EPB41L4B: variants seen among roughly 807,000 people sequenced by gnomAD.
The protein encoded by EPB41L4B is erythrocyte membrane protein band 4.1 like 4B, also known as band 4.1-like protein 4B.
Under a neutral mutation model 112.5 loss-of-function variants are expected in EPB41L4B, and 30 were observed. That is an observed-to-expected ratio of 0.27 (90% CI 0.20 to 0.36). EPB41L4B has a LOEUF of 0.36. Ranked by LOEUF, EPB41L4B falls within the 10% of genes least tolerant of loss-of-function variation. EPB41L4B has a pLI of 1.00. For missense variants in EPB41L4B, 1,024 were observed against 1,133.3 expected (o/e 0.90, Z 1.38); for synonymous variants, 408 against 439.7 (o/e 0.93, Z 0.90).
chr9:109,281,149 A>G (rs1158786526), intron 1 of EPB41L4B, among the ~76,000 whole-genome samples: 23 of 151,264 alleles, frequency 1.5e-4, no homozygotes, highest in Admixed American at 1.5e-3. Context: ...TTTTGCTTCA[A>G]AGGACATGGA....
chr9:109,291,470 G>A (rs1424275404), intron 1 of EPB41L4B, among the ~76,000 whole-genome samples: 2 of 152,160 alleles, frequency 1.3e-5, no homozygotes, highest in African/African-American at 2.4e-5. Flanking sequence ...AGGGAAAGCA[G>A]ATTATTTGCT....
chr9:109,180,580 G>C (rs996018779), intron 24 of EPB41L4B, among the ~76,000 whole-genome samples: 1 of 152,104 alleles, frequency 6.6e-6, no homozygotes, highest in Non-Finnish European at 1.5e-5. Context: ...TTTTCCCTCC[G>C]CCTGCCCTGC....
intron 19 of EPB41L4B, among the ~76,000 whole-genome samples, chr9:109,202,944 CAGG>C (rs1184766738): frequency 6.6e-6 from 1 of 152,100 alleles, no homozygotes; most frequent in African/African-American, 2.4e-5. Flanking sequence ...TCACTTAAGT[CAGG>C]AGTTCAAGAC....
chr9:109,195,682 G>T, intron 20 of EPB41L4B, among the ~76,000 whole-genome samples: 1 of 152,198 alleles, frequency 6.6e-6, no homozygotes, highest in South Asian at 2.1e-4. Context: ...GTGGAGGAGC[G>T]GGGTTAAAAT....
intron 15 of EPB41L4B, among the ~76,000 whole-genome samples, chr9:109,234,789 T>C (rs1251738044): frequency 6.6e-6 from 1 of 152,130 alleles, no homozygotes; most frequent in African/African-American, 2.4e-5. Context: ...GCCCCGGAGG[T>C]GGAGGCTGCA....
intron 22 of EPB41L4B, among the ~76,000 whole-genome samples, chr9:109,187,741 A>G (rs1832320750): frequency 6.6e-6 from 1 of 152,234 alleles, no homozygotes; most frequent in African/African-American, 2.4e-5. Flanking sequence ...CAAATGACCA[A>G]GAAACATGGC....
rs1258095039 is a variant in EPB41L4B at position 109,196,719 on chromosome 9, A to G, written c.2046-2322T>C. On this transcript the variant is annotated intron_variant, in intron 20 of 25. Transcript: ENST00000374566. ...GCAACAGAGTGAGGCCTTGTCTCCG[A>G]AAAAAAAAAAAAAAAAAAAGACCTT... is the stretch of plus-strand genomic sequence containing the variant. 1.5e-4 allele frequency among the ~76,000 whole-genome samples: 7 copies of G among 48,114 alleles called. No homozygotes were observed. The South Asian group carries it at 1.6e-3, about 11-fold the overall frequency. 31.6% of individuals were successfully genotyped at this position (48,114 alleles called of 152,430 possible). A position where few individuals can be genotyped will look rare whatever the true frequency, so the allele number is the denominator to read the frequency against.
intron 1 of EPB41L4B, among the ~76,000 whole-genome samples, chr9:109,306,638 A>C (rs1837209540): frequency 6.6e-6 from 1 of 150,730 alleles, no homozygotes; most frequent in Admixed American, 6.6e-5. Flanking sequence ...AAACAAACAA[A>C]AAAACATTCT....
At chr9:109,307,723 A>G (rs1304548241) in intron 1 of EPB41L4B, among the ~76,000 whole-genome samples, 1 of 152,106 alleles carries the variant, frequency 6.6e-6, no homozygotes, top group Non-Finnish European at 1.5e-5. Flanking sequence ...TTTACAGTCT[A>G]CCGGCCTTCC....
At chr9:109,268,299 G>T in intron 3 of EPB41L4B, 92 bp downstream of exon 3, 1 of 1,177,730 alleles carries the variant, frequency 8.5e-7, no homozygotes, top group Non-Finnish European at 1.2e-6. Flanking sequence ...ATGCTTCCAA[G>T]TTCTAATGAA....
At chr9:109,288,691 C>A (rs1335394873) in intron 1 of EPB41L4B, among the ~76,000 whole-genome samples, 2 of 130,688 alleles carry the variant, frequency 1.5e-5, no homozygotes, top group Admixed American at 1.8e-4. Context: ...CCACTGCACT[C>A]CAGCCTTGGT....
intron 6 of EPB41L4B, among the ~76,000 whole-genome samples, chr9:109,262,448 TGGGG>T (rs760321257): frequency 2.6e-5 from 1 of 37,902 alleles, no homozygotes; most frequent in African/African-American, 9.3e-5. Context: ...TTGGTGTGTG[TGGGG>T]GTGTGTGTGT....
At chr9:109,307,920 C>A (rs2119251045) in intron 1 of EPB41L4B, among the ~76,000 whole-genome samples, 1 of 152,230 alleles carries the variant, frequency 6.6e-6, no homozygotes, top group South Asian at 2.1e-4. Context: ...CTTGTTACAC[C>A]CTTGTTACTG....
chr9:109,192,415 C>T, intron 21 of EPB41L4B, 60 bp from the exon 22 acceptor site: 3 of 1,348,894 alleles, frequency 2.2e-6, no homozygotes, highest in African/African-American at 1.5e-5. Context: ...ATAAAGTTCA[C>T]CAGAAAAGAC....
intron 12 of EPB41L4B, 31 bp downstream of exon 12, chr9:109,253,410 A>G: frequency 6.6e-7 from 1 of 1,514,644 alleles, no homozygotes; most frequent in Non-Finnish European, 9.2e-7. Flanking sequence ...GCATAATGTA[A>G]AATTCCAAGA....
At chr9:109,275,718 A>G (rs1835788387) in intron 2 of EPB41L4B, among the ~76,000 whole-genome samples, 1 of 152,170 alleles carries the variant, frequency 6.6e-6, no homozygotes, top group Non-Finnish European at 1.5e-5. Flanking sequence ...ATGTTATTAC[A>G]CTACCTCCAC....
At chr9:109,318,064 G>A (rs909705036) in intron 1 of EPB41L4B, among the ~76,000 whole-genome samples, 8 of 152,162 alleles carry the variant, frequency 5.3e-5, no homozygotes, top group Non-Finnish European at 1.5e-5. Flanking sequence ...GCCCACTGGC[G>A]ATTTTTCTTC....
intron 15 of EPB41L4B, among the ~76,000 whole-genome samples, chr9:109,239,443 A>G (rs1018717838): frequency 6.6e-6 from 1 of 152,208 alleles, no homozygotes; most frequent in African/African-American, 2.4e-5. Context: ...TGGGTTACAG[A>G]GGATGGTTTC....
At chr9:109,220,858 G>A (rs1173100480) in intron 15 of EPB41L4B, among the ~76,000 whole-genome samples, 2 of 152,068 alleles carry the variant, frequency 1.3e-5, no homozygotes, top group South Asian at 2.1e-4. Flanking sequence ...ATCCCTCCTC[G>A]CCTCTCCAAC....
Sources: allele counts gnomAD v4.1 joint callset (sites outside exome capture counted in the v4.1 genomes callset), GRCh38; gene constraint gnomAD v4.1.1; transcripts MANE v1.5; gene names NCBI Gene and HGNC (gene_info 2026-07-23, HGNC 2026-07-21).